Variants in NALF1 observed in about 807,000 individuals in gnomAD.
NALF1 encodes the protein family with sequence similarity 155 member A.
In NALF1, 3 loss-of-function variants were observed where a neutral mutation model predicts 48.4. The observed-to-expected ratio is 0.06, with a 90% CI of 0.03 to 0.16. The LOEUF is 0.16. Among genes scored for constraint, NALF1 ranks in the 10% least tolerant of loss-of-function variants. The pLI is 1.00. For synonymous variants in NALF1, 262 were observed against 245.7 expected (o/e 1.07, Z -0.62); for missense variants, 526 against 571.5 (o/e 0.92, Z 0.81).
chr13:107,492,478 T>TA (rs1335197715), intron 1 of NALF1, among the ~76,000 whole-genome samples: 1 of 152,160 alleles, frequency 6.6e-6, no homozygotes, highest in Non-Finnish European at 1.5e-5. Context: ...CACCACAGCT[T>TA]CCTTATATTC....
At chr13:107,383,632 T>C (rs1164757228) in intron 1 of NALF1, among the ~76,000 whole-genome samples, 1 of 152,234 alleles carries the variant, frequency 6.6e-6, no homozygotes, top group Non-Finnish European at 1.5e-5. Context: ...AATTGATGTT[T>C]ATACCTTTGT....
At chr13:107,461,700 C>T (rs1278694189) in intron 1 of NALF1, among the ~76,000 whole-genome samples, 2 of 152,142 alleles carry the variant, frequency 1.3e-5, no homozygotes, top group East Asian at 1.9e-4. Context: ...TGCAAGGTGG[C>T]ATATACCGTA....
intron 1 of NALF1, among the ~76,000 whole-genome samples, chr13:107,515,045 GT>G: frequency 6.6e-6 from 1 of 152,326 alleles, no homozygotes; most frequent in African/African-American, 2.4e-5. Flanking sequence ...CCATATGCAG[GT>G]TATTTAAGTT....
At chr13:107,613,525 A>G (rs915575815) in intron 1 of NALF1, among the ~76,000 whole-genome samples, 4 of 152,240 alleles carry the variant, frequency 2.6e-5, no homozygotes, top group Admixed American at 6.5e-5. Context: ...AAATTAAAGT[A>G]TAAGTTTTAT....
chr13:107,694,621 A>G (rs1165597816), intron 1 of NALF1, among the ~76,000 whole-genome samples: 1 of 152,142 alleles, frequency 6.6e-6, no homozygotes, highest in East Asian at 1.9e-4. Context: ...TCCTTTTGTC[A>G]GTTTTTGAAA....
chr13:107,229,508 G>T (rs535935475), intron 1 of NALF1, among the ~76,000 whole-genome samples: 11 of 152,106 alleles, frequency 7.2e-5, no homozygotes, highest in African/African-American at 2.7e-4. Flanking sequence ...ATGCATCAGG[G>T]GACGCCTTCG....
At chr13:107,748,249 T>G (rs920228011) in intron 1 of NALF1, among the ~76,000 whole-genome samples, 2 of 152,206 alleles carry the variant, frequency 1.3e-5, no homozygotes, top group African/African-American at 4.8e-5. Flanking sequence ...TTTTATATTC[T>G]TTATTAATTT....
intron 1 of NALF1, among the ~76,000 whole-genome samples, chr13:107,413,461 A>T (rs1884026915): frequency 6.7e-6 from 1 of 148,982 alleles, no homozygotes; most frequent in Non-Finnish European, 1.5e-5. Flanking sequence ...CGTCAATTTT[A>T]AATATCTAAA....
chr13:107,656,410 C>T (rs1056293675), intron 1 of NALF1, among the ~76,000 whole-genome samples: 6 of 152,064 alleles, frequency 3.9e-5, no homozygotes, highest in Admixed American at 1.3e-4. Flanking sequence ...TGGAAAAATG[C>T]TCAACATCAC....
At chr13:107,323,895 T>A (rs1384334040) in intron 1 of NALF1, among the ~76,000 whole-genome samples, 2 of 152,122 alleles carry the variant, frequency 1.3e-5, no homozygotes, top group Non-Finnish European at 2.9e-5. Context: ...GAAGGATCGC[T>A]TGACCCCAGG....
At chr13:107,809,847 CT>C (rs1294040748) in intron 1 of NALF1, among the ~76,000 whole-genome samples, 1 of 152,016 alleles carries the variant, frequency 6.6e-6, no homozygotes, top group African/African-American at 2.4e-5. Flanking sequence ...TCACCTTTTT[CT>C]TTTATCCTCA....
rs143485814 is a variant in NALF1 at position 107,848,730 on chromosome 13, CATA to C, written c.915+16949_915+16951del. Among the ~76,000 whole-genome samples, 477 of 152,294 alleles carry C rather than the reference CATA, an allele frequency of 3.1e-3. 1 individual carries two copies. The highest frequency in any genetic ancestry group is 0.011 in the African/African-American group (452 of 41,556). On this transcript the variant is annotated intron_variant, in intron 1 of 2. Coordinates refer to ENST00000375915, the MANE Select transcript of NALF1 (RefSeq NM_001080396.3). Reference sequence around the variant, plus strand: ...TCCATAGGCAATTACCTTTTGGAAACATAATATTTCTCATAACTCTTCAAATGA... The same window carrying C: ...TCCATAGGCAATTACCTTTTGGAAACATATTTCTCATAACTCTTCAAATGA...
intron 1 of NALF1, among the ~76,000 whole-genome samples, chr13:107,556,346 TATATAG>T (rs1877481665): frequency 1.4e-5 from 2 of 147,864 alleles, no homozygotes; most frequent in Non-Finnish European, 3.0e-5. Flanking sequence ...CACATATATA[TATATAG>T]AGAGAGAGAG....
At chr13:107,250,855 G>A (rs1233734387) in intron 1 of NALF1, among the ~76,000 whole-genome samples, 1 of 152,100 alleles carries the variant, frequency 6.6e-6, no homozygotes, top group Non-Finnish European at 1.5e-5. Flanking sequence ...CTCGCTGGTT[G>A]TTTGAAAATG....
intron 1 of NALF1, among the ~76,000 whole-genome samples, chr13:107,610,290 C>T (rs373733941): frequency 1.5e-3 from 226 of 152,104 alleles, no homozygotes; most frequent in Non-Finnish European, 2.8e-3. Context: ...TCACATTGTA[C>T]GAGAAGACTG....
At chr13:107,679,501 A>G (rs1881220740) in intron 1 of NALF1, among the ~76,000 whole-genome samples, 1 of 152,208 alleles carries the variant, frequency 6.6e-6, no homozygotes, top group African/African-American at 2.4e-5. Context: ...ATGCAGGAGA[A>G]AGCAGCTTAG....
chr13:107,275,689 A>T (rs1881266559), intron 1 of NALF1, among the ~76,000 whole-genome samples: 1 of 152,228 alleles, frequency 6.6e-6, no homozygotes, highest in South Asian at 2.1e-4. Context: ...TACATAACAA[A>T]TAATTTCTTG....
At chr13:107,267,588 C>A (rs1881067852) in intron 1 of NALF1, among the ~76,000 whole-genome samples, 2 of 152,154 alleles carry the variant, frequency 1.3e-5, no homozygotes, top group African/African-American at 4.8e-5. Flanking sequence ...ATTCCAGGAT[C>A]CCCAGTGGAT....
intron 1 of NALF1, among the ~76,000 whole-genome samples, chr13:107,844,261 C>G (rs539941510): frequency 3.3e-5 from 5 of 151,834 alleles, no homozygotes; most frequent in Admixed American, 6.6e-5. Context: ...CTAAAAAAAT[C>G]AAACTATACA....
Sources: gnomAD v4.1 joint callset for allele counts (sites outside exome capture counted in the v4.1 genomes callset) on GRCh38, gnomAD v4.1.1 for gene constraint, MANE v1.5 for transcripts, NCBI Gene and HGNC (gene_info 2026-07-23, HGNC 2026-07-21) for gene names.